FAF1: variants seen among roughly 807,000 people sequenced by gnomAD.
FAF1 encodes Fas associated factor 1.
A neutral mutation model predicts 92.5 loss-of-function variants in FAF1; 25 were observed. That is an observed-to-expected ratio of 0.27 (90% confidence interval 0.20 to 0.38). FAF1 has a LOEUF of 0.38. Ranked by LOEUF, FAF1 falls within the 10% of genes least tolerant of loss-of-function variation. The probability of loss-of-function intolerance (pLI) is 1.00; values close to 1 mark genes in which losing one functional copy is unlikely to be tolerated. For synonymous variants in FAF1, 234 were observed against 273.2 expected (o/e 0.86, Z 1.42); for missense variants, 636 against 793.3 (o/e 0.80, Z 2.38).
At chr1:50,643,097 T>A (rs1373416738) in intron 8 of FAF1, among the ~76,000 whole-genome samples, 1 of 152,236 alleles carries the variant, frequency 6.6e-6, no homozygotes, top group African/African-American at 2.4e-5. Flanking sequence ...CCCAAAGTGC[T>A]GGGATTACAG....
At chr1:50,564,601 A>C (rs1311634396) in intron 13 of FAF1, among the ~76,000 whole-genome samples, 1 of 152,160 alleles carries the variant, frequency 6.6e-6, no homozygotes, top group Non-Finnish European at 1.5e-5. Flanking sequence ...TTTGTTACTC[A>C]AAGTTAAAAG....
chr1:50,686,601 G>T lies in FAF1; in HGVS notation c.657+19185C>A, dbSNP rs1361107758. 4.3e-5 allele frequency among the ~76,000 whole-genome samples: 6 copies of T among 139,376 alleles called. No homozygotes were observed. The South Asian group carries it at 1.3e-3, about 30-fold the overall frequency. 91.4% of individuals were successfully genotyped at this position (139,376 alleles called of 152,430 possible). On this transcript the variant is annotated intron_variant, in intron 7 of 18. Transcript: ENST00000396153. ...GAAGGGGAGAGGAGGGAAAGGGAGA[G>T]GAGGGGAGGGAGGGGAGGGGAGCGG...
chr1:50,666,414 C>T (rs1255603545), intron 7 of FAF1, among the ~76,000 whole-genome samples: 2 of 151,978 alleles, frequency 1.3e-5, no homozygotes, highest in Admixed American at 1.3e-4. Flanking sequence ...ATTATTTTGC[C>T]CAGGCTGGTC....
At chr1:50,896,627 C>T (rs545047481) in intron 1 of FAF1, among the ~76,000 whole-genome samples, 1 of 152,244 alleles carries the variant, frequency 6.6e-6, no homozygotes, top group Admixed American at 6.5e-5. Context: ...CTGACATACG[C>T]TACAACATGA....
intron 4 of FAF1, among the ~76,000 whole-genome samples, chr1:50,753,811 G>A (rs1406233153): frequency 1.3e-5 from 2 of 148,776 alleles, no homozygotes; most frequent in Non-Finnish European, 3.0e-5. Context: ...AGCCTGGAGT[G>A]TAGTGGTGCG....
intron 1 of FAF1, among the ~76,000 whole-genome samples, chr1:50,905,918 A>G (rs879311092): frequency 1.3e-5 from 2 of 152,120 alleles, no homozygotes; most frequent in Non-Finnish European, 2.9e-5. Flanking sequence ...TTTGGTTGCC[A>G]TTGCTTTTGG....
At chr1:50,656,892 T>TAATAAA (rs1186015437) in intron 7 of FAF1, among the ~76,000 whole-genome samples, 1 of 151,476 alleles carries the variant, frequency 6.6e-6, no homozygotes, top group Non-Finnish European at 1.5e-5. Flanking sequence ...CAAAAGAAAA[T>TAATAAA]AATAAAAATA....
intron 1 of FAF1, among the ~76,000 whole-genome samples, chr1:50,941,227 A>T (rs919468882): frequency 6.6e-6 from 1 of 151,704 alleles, no homozygotes; most frequent in African/African-American, 2.4e-5. Flanking sequence ...GTTTTTGGAG[A>T]CAAGGGCTCA....
At chr1:50,646,426 T>C (rs557008971) in intron 8 of FAF1, among the ~76,000 whole-genome samples, 1 of 152,248 alleles carries the variant, frequency 6.6e-6, no homozygotes, top group Non-Finnish European at 1.5e-5. Context: ...ATCGATCCTT[T>C]AGTTGTTTAT....
chr1:50,464,436 C>A (rs1646470013), intron 18 of FAF1, among the ~76,000 whole-genome samples: 1 of 152,200 alleles, frequency 6.6e-6, no homozygotes, highest in Non-Finnish European at 1.5e-5. Context: ...TGTGTTATAT[C>A]ATCATGCTGT....
chr1:50,818,087 C>T (rs1295226548), intron 2 of FAF1, among the ~76,000 whole-genome samples: 1 of 152,106 alleles, frequency 6.6e-6, no homozygotes, highest in African/African-American at 2.4e-5. Flanking sequence ...GTTAGTTACA[C>T]AGGTGCACGT....
chr1:50,639,476 T>C (rs1429415123), intron 8 of FAF1, among the ~76,000 whole-genome samples: 1 of 152,194 alleles, frequency 6.6e-6, no homozygotes, highest in African/African-American at 2.4e-5. Flanking sequence ...TTCACCTGAT[T>C]GTATATGTTT....
chr1:50,515,421 T>G (rs527837827), intron 15 of FAF1, among the ~76,000 whole-genome samples: 1 of 152,278 alleles, frequency 6.6e-6, no homozygotes, highest in Admixed American at 6.5e-5. Context: ...TCACTTGTTA[T>G]ACAGGAAATT....
chr1:50,628,297 G>C (rs1653604094), intron 8 of FAF1, among the ~76,000 whole-genome samples: 1 of 152,128 alleles, frequency 6.6e-6, no homozygotes, highest in East Asian at 1.9e-4. Context: ...ATTTTACTCA[G>C]CCTGAACTAG....
chr1:50,875,515 C>G (rs1207843686), intron 1 of FAF1, among the ~76,000 whole-genome samples: 1 of 151,972 alleles, frequency 6.6e-6, no homozygotes, highest in African/African-American at 2.4e-5. Flanking sequence ...TGCAGTGGCA[C>G]AGTCTCAGCT....
At chr1:50,585,390 G>A (rs1363036431) in intron 9 of FAF1, among the ~76,000 whole-genome samples, 1 of 152,136 alleles carries the variant, frequency 6.6e-6, no homozygotes, top group Admixed American at 6.6e-5. Context: ...TAATAATAAT[G>A]TTTTAATTCA....
chr1:50,671,404 CAAA>C (rs548995973), intron 7 of FAF1, among the ~76,000 whole-genome samples: 2 of 119,836 alleles, frequency 1.7e-5, no homozygotes. Context: ...GACTCCGTCT[CAAA>C]AAAAAAAAAA....
intron 18 of FAF1, among the ~76,000 whole-genome samples, chr1:50,466,854 T>C (rs1646503106): frequency 6.6e-6 from 1 of 152,314 alleles, no homozygotes; most frequent in South Asian, 2.1e-4. Flanking sequence ...CATATAGACA[T>C]GGCTTTGTGC....
chr1:50,490,279 G>A (rs1324369603), intron 17 of FAF1, among the ~76,000 whole-genome samples: 1 of 152,078 alleles, frequency 6.6e-6, no homozygotes, highest in African/African-American at 2.4e-5. Context: ...AGAATCACTT[G>A]AACCTGGGAG....
Sources: gnomAD v4.1 joint callset for allele counts (sites outside exome capture counted in the v4.1 genomes callset) on GRCh38, gnomAD v4.1.1 for gene constraint, MANE v1.5 for transcripts, NCBI Gene and HGNC (gene_info 2026-07-23, HGNC 2026-07-21) for gene names.